Variants in SERGEF observed in about 807,000 individuals in gnomAD.
SERGEF encodes secretion regulating guanine nucleotide exchange factor, also known as secretion-regulating guanine nucleotide exchange factor.
Under a neutral mutation model 50.0 loss-of-function variants are expected in SERGEF, and 51 were observed. That is an observed-to-expected ratio of 1.02 (90% confidence interval 0.81 to 1.29). The LOEUF (loss-of-function observed/expected upper bound fraction) is 1.29, where lower values mean the gene tolerates loss of function less well. SERGEF is among the 50% of genes most tolerant of loss of function. SERGEF has a pLI of 0.00. For missense variants in SERGEF, 521 were observed against 557.0 expected, an observed-to-expected ratio of 0.94 and a Z score of 0.65; for synonymous variants, 205 against 212.4, an observed-to-expected ratio of 0.97 and a Z score of 0.30.
chr11:17,939,817 T>C (rs1852528029), intron 9 of SERGEF, among the ~76,000 whole-genome samples: 1 of 152,216 alleles, frequency 6.6e-6, no homozygotes, highest in South Asian at 2.1e-4. Context: ...CAGATGGCTG[T>C]TCTATTCTAG....
At chr11:17,900,174 G>A (rs541414910) in intron 9 of SERGEF, among the ~76,000 whole-genome samples, 59 of 152,174 alleles carry the variant, frequency 3.9e-4, no homozygotes, top group Middle Eastern at 3.4e-3. Context: ...AGAAACAGAC[G>A]GCCTGAGTTT....
At chr11:17,807,040 T>C (rs967070604) in intron 10 of SERGEF, among the ~76,000 whole-genome samples, 3 of 152,056 alleles carry the variant, frequency 2.0e-5, no homozygotes, top group African/African-American at 7.2e-5. Context: ...CAAATACTAT[T>C]TCATCAAGAA....
intron 1 of SERGEF, 108 bp from the exon 2 acceptor site, chr11:18,008,184 C>A: frequency 8.8e-7 from 1 of 1,135,348 alleles, no homozygotes. Flanking sequence ...GACCCTGTAA[C>A]AGATGAGATT....
At chr11:17,919,167 T>A (rs555829097) in intron 9 of SERGEF, among the ~76,000 whole-genome samples, 1 of 152,234 alleles carries the variant, frequency 6.6e-6, no homozygotes, top group African/African-American at 2.4e-5. Flanking sequence ...TGAATTCAAA[T>A]GACTTTGAGC....
At chr11:17,843,686 T>C (rs753224677) in intron 10 of SERGEF, among the ~76,000 whole-genome samples, 1 of 152,176 alleles carries the variant, frequency 6.6e-6, no homozygotes, top group African/African-American at 2.4e-5. Flanking sequence ...CTTCCCTTCA[T>C]TGCACCCACT....
In SERGEF at chr11:17,906,301, T is replaced by C. The variant is rs1281452582; in HGVS notation, c.1012-28057A>G. ...TTCAGCCTCCTGACAAAACCAGCTC[T>C]GCAAAGCCAAAAGACTTGATCCATG... On this transcript the variant is annotated intron_variant, in intron 9 of 10. Coordinates refer to ENST00000265965, the MANE Select transcript of SERGEF (RefSeq NM_012139.4). 2.0e-5 allele frequency among the ~76,000 whole-genome samples: 3 copies of C among 152,214 alleles called. No homozygotes were observed. In the East Asian group the frequency reaches 5.8e-4, roughly 29 times the overall value.
chr11:17,914,050 T>C (rs1231754464), intron 9 of SERGEF, among the ~76,000 whole-genome samples: 1 of 152,242 alleles, frequency 6.6e-6, no homozygotes, highest in Non-Finnish European at 1.5e-5. Context: ...TTGGCCCCAG[T>C]TGACCTTTAC....
chr11:17,918,625 G>GACACACACAC lies in SERGEF; in HGVS notation c.1012-40391_1012-40382dup, dbSNP rs141971282. 4.1e-3 allele frequency: 1,278 copies of GACACACACAC among 308,192 alleles called. 14 individuals are homozygous for GACACACACAC. The highest frequency in any genetic ancestry group is 0.02 in the African/African-American group (833 of 41,856). 19.1% of individuals were successfully genotyped at this position (308,192 alleles called of 1,614,324 possible). On this transcript the variant is annotated intron_variant, in intron 9 of 10. Coordinates refer to ENST00000265965, the MANE Select transcript of SERGEF (RefSeq NM_012139.4). ...CAGTAAGATAAATAAAGCAGGAACAGACACACACACACACACACACACACA... is the reference window on the plus strand; with the variant it reads ...CAGTAAGATAAATAAAGCAGGAACAGACACACACACACACACACACACACACACACACACA...
intron 9 of SERGEF, among the ~76,000 whole-genome samples, chr11:17,903,187 A>C (rs1354721890): frequency 6.6e-6 from 1 of 152,192 alleles, no homozygotes; most frequent in African/African-American, 2.4e-5. Context: ...AAGATAGATA[A>C]TTCAAAATTT....
rs985123333 is a variant in SERGEF, at chr11:17,917,180, T to C, written c.1012-38936A>G. 8.5e-5 allele frequency among the ~76,000 whole-genome samples: 13 copies of C among 152,298 alleles called. No individual in the cohort carries two copies. In the Middle Eastern group the frequency reaches 0.01, roughly 120 times the overall value. Reference sequence around the variant, plus strand: ...TGGAACCAACCCAAATGCCCATCAATCAACTAGTGGATAAAGAAACTGTGG... The same window carrying C: ...TGGAACCAACCCAAATGCCCATCAACCAACTAGTGGATAAAGAAACTGTGG... On this transcript the variant is annotated intron_variant, in intron 9 of 10. Transcript: ENST00000265965.
At chr11:17,985,432 C>T (rs906767964) in intron 8 of SERGEF, among the ~76,000 whole-genome samples, 3 of 152,180 alleles carry the variant, frequency 2.0e-5, no homozygotes, top group Admixed American at 2.0e-4. Flanking sequence ...TGCCATCCAA[C>T]TCTCATTAAA....
At chr11:17,789,063 G>A (rs1849436575) in intron 10 of SERGEF, among the ~76,000 whole-genome samples, 1 of 152,204 alleles carries the variant, frequency 6.6e-6, no homozygotes, top group Non-Finnish European at 1.5e-5. Context: ...TTTGCATGCA[G>A]AACCCTGGCT....
chr11:17,965,379 C>A (rs1426039018), intron 8 of SERGEF, among the ~76,000 whole-genome samples: 2 of 152,138 alleles, frequency 1.3e-5, no homozygotes, highest in East Asian at 3.8e-4. Context: ...CAGTTTCAGG[C>A]ATTTCTTCAC....
chr11:17,818,011 G>C (rs1421857688), intron 10 of SERGEF, among the ~76,000 whole-genome samples: 2 of 152,182 alleles, frequency 1.3e-5, no homozygotes, highest in Non-Finnish European at 2.9e-5. Context: ...ACCACTCTAT[G>C]CATATCCCAT....
At chr11:17,936,357 G>A (rs578158715) in intron 9 of SERGEF, among the ~76,000 whole-genome samples, 1 of 152,206 alleles carries the variant, frequency 6.6e-6, no homozygotes, top group South Asian at 2.1e-4. Flanking sequence ...ATTCTCTGAG[G>A]TTCTACATTA....
At chr11:17,870,182 C>A (rs908669159) in intron 10 of SERGEF, among the ~76,000 whole-genome samples, 2 of 152,168 alleles carry the variant, frequency 1.3e-5, no homozygotes, top group Admixed American at 1.3e-4. Context: ...TGTAAGTTTC[C>A]TGACGCCTCC....
intron 9 of SERGEF, among the ~76,000 whole-genome samples, chr11:17,917,148 A>T (rs1210019319): frequency 1.3e-5 from 2 of 152,260 alleles, no homozygotes; most frequent in African/African-American, 2.4e-5. Flanking sequence ...TTGCAATTGC[A>T]AAACTATGGA....
chr11:17,949,400 A>G (rs1852729261), intron 9 of SERGEF, among the ~76,000 whole-genome samples: 1 of 152,080 alleles, frequency 6.6e-6, no homozygotes. Flanking sequence ...AAAGCTTCCA[A>G]GCAAGAAGCT....
At chr11:17,986,338 C>T (rs1054741780) in intron 8 of SERGEF, among the ~76,000 whole-genome samples, 3 of 152,160 alleles carry the variant, frequency 2.0e-5, no homozygotes, top group Admixed American at 6.5e-5. Flanking sequence ...GTACAAAAAC[C>T]AGGACATTCA....
Sources: gnomAD v4.1 joint callset for allele counts (sites outside exome capture counted in the v4.1 genomes callset) on GRCh38, gnomAD v4.1.1 for gene constraint, MANE v1.5 for transcripts, NCBI Gene and HGNC (gene_info 2026-07-23, HGNC 2026-07-21) for gene names.